The following SEPTIN6 variants were observed in gnomAD, a reference collection of about 807,000 sequenced individuals.
The protein encoded by SEPTIN6 is septin 6, also known as septin-6.
SEPTIN6 carries 8 observed loss-of-function variants against 33.6 expected under a neutral mutation model. The ratio of observed to expected loss-of-function variants is 0.24; its 90% CI spans 0.14 to 0.43. The LOEUF (loss-of-function observed/expected upper bound fraction) is 0.43, where lower values mean the gene tolerates loss of function less well. Among genes scored for constraint, SEPTIN6 ranks in the 20% least tolerant of loss-of-function variants. SEPTIN6 has a pLI of 1.00. For synonymous variants in SEPTIN6, 131 were observed against 140.0 expected (o/e 0.94, Z 0.45); for missense variants, 250 against 340.8 (o/e 0.73, Z 2.10).
At chrX:119,669,639 G>A (rs184983300) in intron 2 of SEPTIN6, among the ~76,000 whole-genome samples, 300 of 112,075 alleles carry the variant, frequency 2.7e-3, no homozygotes, top group Non-Finnish European at 4.3e-3. Context: ...AGCAGCCATG[G>A]CAGGAGTAAT....
At position 119,678,001 on chromosome X, in the gene SEPTIN6, A is replaced by C. The variant is rs1483424177; in HGVS notation, c.31-2333T>G. 6.3e-5 allele frequency among the ~76,000 whole-genome samples: 7 copies of C among 110,470 alleles called. No individual in the cohort carries two copies. In the East Asian group the frequency reaches 2.0e-3, roughly 32 times the overall value. ...CAATCGCAGCACTTGGGGAGGCCGA[A>C]GTGGGCGGATCTCTTGAGCCCAGGA... On this transcript the variant is annotated intron_variant, in intron 1 of 10. Coordinates refer to ENST00000394610, the MANE Select transcript of SEPTIN6 (RefSeq NM_145799.4).
At chrX:119,669,558 G>A (rs986560829) in intron 2 of SEPTIN6, among the ~76,000 whole-genome samples, 12 of 112,136 alleles carry the variant, frequency 1.1e-4, no homozygotes, top group Non-Finnish European at 2.1e-4. Flanking sequence ...GTGGTGTGCT[G>A]GAGCCGGCTC....
chrX:119,691,664 A>T (rs1458280528), intron 1 of SEPTIN6, among the ~76,000 whole-genome samples: 1 of 112,218 alleles, frequency 8.9e-6, no homozygotes, highest in African/African-American at 3.2e-5. Context: ...GACAAAAGAG[A>T]CATTAATACA....
chrX:119,652,791 T>A (rs1206187151), intron 4 of SEPTIN6, 63 bp downstream of exon 4: 16 of 982,398 alleles, frequency 1.6e-5, no homozygotes, highest in Non-Finnish European at 2.1e-5. Flanking sequence ...GAATCCCACA[T>A]CTACTTTGCA....
chrX:119,656,863 G>C (rs1447688748), intron 3 of SEPTIN6, among the ~76,000 whole-genome samples: 4 of 110,459 alleles, frequency 3.6e-5, no homozygotes, highest in Non-Finnish European at 7.6e-5. Context: ...TCCAGCCTGG[G>C]CGACAGAGTG....
chrX:119,665,820 G>A (rs1215906198), intron 2 of SEPTIN6, among the ~76,000 whole-genome samples: 2 of 110,971 alleles, frequency 1.8e-5, no homozygotes, highest in Non-Finnish European at 3.8e-5. Flanking sequence ...GGTGGCTCAC[G>A]CCTGTAATCC....
intron 2 of SEPTIN6, among the ~76,000 whole-genome samples, chrX:119,664,324 T>C (rs1408641972): frequency 1.8e-5 from 2 of 111,201 alleles, no homozygotes; most frequent in Non-Finnish European, 3.8e-5. Context: ...AATTATGTTA[T>C]AGGCAGCAAT....
rs1180660218 is a variant in SEPTIN6, at chrX:119,617,920, C to T, written c.*2173G>A. The stretch of plus-strand genomic sequence containing the variant: ...TTGAATTATTCAGAGCTTCTCAAGC[C>T]TTAACTAGTTAATCTGTACACAAAT... On this transcript the variant is annotated 3_prime_UTR_variant, in exon 11 of 11. Transcript: ENST00000394610. 28 of 801,936 alleles carry T rather than the reference C, an allele frequency of 3.5e-5. No individual in the cohort carries two copies. The highest frequency in any genetic ancestry group is 4.2e-5 in the Non-Finnish European group (28 of 669,190). 66.1% of individuals were successfully genotyped at this position (801,936 alleles called of 1,213,427 possible). A position where few individuals can be genotyped will look rare whatever the true frequency, so the allele number is the denominator to read the frequency against.
rs138828178 is a variant in SEPTIN6, at chrX:119,633,308, A to G, written c.1089+52T>C. 1,708 of 1,125,581 alleles carry G rather than the reference A, an allele frequency of 1.5e-3. 21 individuals carry two copies. In the African/African-American group the frequency reaches 0.027, roughly 18 times the overall value. The allele number at this position is 1,125,581 out of a possible 1,213,427, so 92.8% of individuals were successfully genotyped here. ...AGCGTTCCTATTTTTCCACAGTCTC[A>G]CCAGCAGCTGTTGTTTCTTGACATT... On this transcript the variant is annotated intron_variant, in intron 8 of 10. Coordinates refer to ENST00000394610, the MANE Select transcript of SEPTIN6 (RefSeq NM_145799.4).
Position 119,617,964 on chromosome X carries a change from G to A in SEPTIN6, c.*2129C>T, listed in dbSNP as rs534574866. ...CACAAATGCAAATGAGGGCGCCTCC[G>A]GTTTGTAATGCAAATAATTACCGGG... On this transcript the variant is annotated 3_prime_UTR_variant, in exon 11 of 11. Coordinates refer to ENST00000394610, the MANE Select transcript of SEPTIN6 (RefSeq NM_145799.4). 8 of 801,974 alleles carry A rather than the reference G, an allele frequency of 1.0e-5. No individual in the cohort carries two copies. The highest frequency in any genetic ancestry group is 8.8e-5 in the African/African-American group (4 of 45,404). The allele number at this position is 801,974 out of a possible 1,213,427, so 66.1% of individuals were successfully genotyped here. A position where few individuals can be genotyped will look rare whatever the true frequency, so the allele number is the denominator to read the frequency against.
chrX:119,692,279 C>A (rs12387036), intron 1 of SEPTIN6, among the ~76,000 whole-genome samples: 32,737 of 106,837 alleles, frequency 0.31, 5,333 homozygotes, highest in African/African-American at 0.6. Flanking sequence ...AGGCCCGCTC[C>A]AAAACATGCC....
chrX:119,637,854 G>A (rs940940972), intron 6 of SEPTIN6, among the ~76,000 whole-genome samples: 5 of 112,393 alleles, frequency 4.4e-5, no homozygotes, highest in African/African-American at 1.6e-4. Context: ...CAAAAATAGA[G>A]GGATAGCCAA....
At chrX:119,637,307 G>A in intron 6 of SEPTIN6, 112 bp from the exon 7 acceptor site, 1 of 658,647 alleles carries the variant, frequency 1.5e-6, no homozygotes, top group Non-Finnish European at 2.3e-6. Context: ...CTTGCAATCT[G>A]TGTATTTAGA....
At chrX:119,652,432 G>C in intron 4 of SEPTIN6, among the ~76,000 whole-genome samples, 1 of 112,045 alleles carries the variant, frequency 8.9e-6, no homozygotes, top group East Asian at 2.8e-4. Flanking sequence ...TGTACTTCAC[G>C]GGGCTGGCAT....
At chrX:119,685,625 C>T (rs1190824902) in intron 1 of SEPTIN6, among the ~76,000 whole-genome samples, 3 of 111,442 alleles carry the variant, frequency 2.7e-5, no homozygotes, top group Non-Finnish European at 3.8e-5. Flanking sequence ...GTGCTAGGAT[C>T]CAGGCCCCTG....
chrX:119,623,433 A>G (rs1053137322), intron 10 of SEPTIN6, among the ~76,000 whole-genome samples: 1 of 112,202 alleles, frequency 8.9e-6, no homozygotes, highest in Non-Finnish European at 1.9e-5. Context: ...GTCTGTAGTA[A>G]TTGATGAAAC....
Position 119,663,616 on chromosome X carries a change from C to T in SEPTIN6, c.207G>A (p.Gly69=). 8.3e-7 allele frequency: 1 copy of T among 1,210,859 alleles called. No homozygotes were observed. The highest frequency in any genetic ancestry group is 3.0e-5 in the East Asian group (1 of 33,834). The change falls in exon 3 of 11, where the codon GGG becomes GGA. Residue 69 remains glycine, a synonymous_variant. Coordinates refer to ENST00000394610, the MANE Select transcript of SEPTIN6 (RefSeq NM_145799.4). Reference sequence around the variant, plus strand: ...CCGGCTGTGTGTGGGTGGCTGGCTCCCCTTCGAATTTGGTGTTGAACAGGG... The same window carrying T: ...CCGGCTGTGTGTGGGTGGCTGGCTCTCCTTCGAATTTGGTGTTGAACAGGG... ...MDTLFNTKFE[G]EPATHTQPGV... is the part of the protein sequence containing the mutation.
chrX:119,691,783 T>C (rs113254728), intron 1 of SEPTIN6, among the ~76,000 whole-genome samples: 2,586 of 112,346 alleles, frequency 0.023, 33 homozygotes, highest in Middle Eastern at 0.041. Flanking sequence ...TTGCATTGCA[T>C]GAACTATTTT....
chrX:119,649,519 G>C (rs971597193), intron 5 of SEPTIN6, among the ~76,000 whole-genome samples: 76 of 103,567 alleles, frequency 7.3e-4, no homozygotes, highest in Middle Eastern at 5.2e-3. Context: ...AAGAAAAAAA[G>C]AGTTGACTAC....
Sources: gnomAD v4.1 joint callset for allele counts (sites outside exome capture counted in the v4.1 genomes callset) on GRCh38, gnomAD v4.1.1 for gene constraint, MANE v1.5 for transcripts, NCBI Gene and HGNC (gene_info 2026-07-23, HGNC 2026-07-21) for gene names.